Variants in SRGAP3 observed in about 807,000 individuals in gnomAD.
SRGAP3 encodes SLIT-ROBO Rho GTPase activating protein 3, also known as SLIT-ROBO Rho GTPase-activating protein 3.
Under a neutral mutation model 121.1 loss-of-function variants are expected in SRGAP3, and 39 were observed. That is an observed-to-expected ratio of 0.32 (90% confidence interval 0.25 to 0.42). The LOEUF is 0.42. Among genes scored for constraint, SRGAP3 ranks in the 10% least tolerant of loss-of-function variants. The probability of loss-of-function intolerance (pLI) is 1.00; values close to 1 mark genes in which losing one functional copy is unlikely to be tolerated. For missense variants in SRGAP3, 1,213 were observed against 1,470.6 expected, an observed-to-expected ratio of 0.82 and a Z score of 2.86; for synonymous variants, 601 against 570.0, an observed-to-expected ratio of 1.05 and a Z score of -0.77.
intron 3 of SRGAP3, among the ~76,000 whole-genome samples, chr3:9,306,358 T>C (rs1221852691): frequency 6.6e-6 from 1 of 152,228 alleles, no homozygotes; most frequent in Admixed American, 6.5e-5. Context: ...TCCCATTCTG[T>C]AGGTTGCCTG....
At chr3:9,308,392 T>C (rs1163902035) in intron 3 of SRGAP3, among the ~76,000 whole-genome samples, 3 of 152,052 alleles carry the variant, frequency 2.0e-5, no homozygotes, top group Non-Finnish European at 4.4e-5. Flanking sequence ...AAAAACAAAA[T>C]AATCAGAAGG....
At chr3:9,017,665 T>G (rs1219754578) in intron 14 of SRGAP3, among the ~76,000 whole-genome samples, 2 of 152,148 alleles carry the variant, frequency 1.3e-5, no homozygotes, top group Admixed American at 1.3e-4. Flanking sequence ...TGAAGTAACG[T>G]TATGATGATG....
At chr3:9,162,091 T>C (rs923221973) in intron 1 of SRGAP3, among the ~76,000 whole-genome samples, 4 of 152,096 alleles carry the variant, frequency 2.6e-5, no homozygotes. Context: ...TGACTCTACT[T>C]ACATGAGAGA....
intron 3 of SRGAP3, among the ~76,000 whole-genome samples, chr3:9,082,202 T>C (rs576531681): frequency 1.3e-5 from 2 of 152,290 alleles, no homozygotes; most frequent in African/African-American, 2.4e-5. Context: ...TCTACCATGA[T>C]TGGAAGCTTC....
intron 19 of SRGAP3, among the ~76,000 whole-genome samples, chr3:8,993,372 G>T (rs1039980316): frequency 6.6e-6 from 1 of 152,194 alleles, no homozygotes; most frequent in East Asian, 1.9e-4. Flanking sequence ...TGGAGAAATG[G>T]GGGGATGGAG....
chr3:9,204,580 A>G (rs1952195127), intron 1 of SRGAP3, among the ~76,000 whole-genome samples: 1 of 152,158 alleles, frequency 6.6e-6, no homozygotes, highest in South Asian at 2.1e-4. Flanking sequence ...CAAAACAGAA[A>G]TTCTTTTCTC....
chr3:9,313,941 C>G (rs778970880), intron 3 of SRGAP3, among the ~76,000 whole-genome samples: 8 of 152,160 alleles, frequency 5.3e-5, no homozygotes, highest in Non-Finnish European at 1.0e-4. Flanking sequence ...TGCAGTGAGC[C>G]GAGATCGTGC....
intron 3 of SRGAP3, among the ~76,000 whole-genome samples, chr3:9,302,011 G>C (rs577734210): frequency 6.6e-6 from 1 of 152,198 alleles, no homozygotes; most frequent in Non-Finnish European, 1.5e-5. Flanking sequence ...ATCCAGGTAG[G>C]GTGCTGGTGA....
At chr3:9,091,053 T>C (rs1947733891) in intron 3 of SRGAP3, among the ~76,000 whole-genome samples, 1 of 152,042 alleles carries the variant, frequency 6.6e-6, no homozygotes. Context: ...CATCTTAAAA[T>C]GTTGAGTTTT....
chr3:9,209,908 C>T (rs903820334), intron 1 of SRGAP3, among the ~76,000 whole-genome samples: 3 of 152,108 alleles, frequency 2.0e-5, no homozygotes, highest in African/African-American at 7.2e-5. Context: ...TACCAACTGA[C>T]AAATGTGCGA....
chr3:9,109,400 G>C lies in SRGAP3; in HGVS notation c.261-4558C>G, dbSNP rs1000146948. Among the ~76,000 whole-genome samples, 1 of 152,198 alleles carries C rather than the reference G, an allele frequency of 6.6e-6. No individual in the cohort carries two copies. Among genetic ancestry groups the C allele is most frequent in the Non-Finnish European group, 1.5e-5 (1 of 68,034 alleles). The stretch of plus-strand genomic sequence containing the variant: ...GAAGCTGCAAGCCAGGAGGCAGTGC[G>C]GTATAAGACAGAATTGCAGGAGGCA... On this transcript the variant is annotated intron_variant, in intron 2 of 21. Coordinates refer to ENST00000383836, the MANE Select transcript of SRGAP3 (RefSeq NM_014850.4). This position sits in a 1 kb window ranked among gnomAD's most constrained non-coding sequence, Gnocchi z 4.4.
chr3:9,026,887 C>A (rs376734094), intron 13 of SRGAP3, 48 bp downstream of exon 13: 6 of 1,573,926 alleles, frequency 3.8e-6, no homozygotes. Context: ...AACAGCCTAG[C>A]ACCTGTTCTG....
chr3:9,189,109 A>T (rs577145294), intron 1 of SRGAP3, among the ~76,000 whole-genome samples: 2 of 152,318 alleles, frequency 1.3e-5, no homozygotes, highest in East Asian at 3.9e-4. Context: ...ATATCATCAC[A>T]GTCAAGAAGG....
chr3:9,147,212 G>A (rs1228236370), intron 1 of SRGAP3, among the ~76,000 whole-genome samples: 1 of 152,140 alleles, frequency 6.6e-6, no homozygotes, highest in African/African-American at 2.4e-5. Flanking sequence ...CAAAACAAGA[G>A]GAATGCTTTC....
intron 1 of SRGAP3, among the ~76,000 whole-genome samples, chr3:9,335,175 C>T (rs1955671189): frequency 6.6e-6 from 1 of 152,048 alleles, no homozygotes; most frequent in South Asian, 2.1e-4. Flanking sequence ...TCATATGGTC[C>T]CATTGATTTG....
At chr3:9,294,079 C>T (rs536893618) in intron 3 of SRGAP3, among the ~76,000 whole-genome samples, 7 of 152,058 alleles carry the variant, frequency 4.6e-5, no homozygotes, top group South Asian at 2.1e-4. Context: ...ATGGAATCAA[C>T]GTAAATGCCC....
At chr3:9,224,902 G>C (rs971982572) in intron 1 of SRGAP3, among the ~76,000 whole-genome samples, 2 of 152,168 alleles carry the variant, frequency 1.3e-5, no homozygotes, top group African/African-American at 4.8e-5. Flanking sequence ...GAACCAAAAA[G>C]CAGAGAGACA....
At chr3:9,162,424 G>A (rs2125079079) in intron 1 of SRGAP3, among the ~76,000 whole-genome samples, 1 of 152,210 alleles carries the variant, frequency 6.6e-6, no homozygotes, top group East Asian at 1.9e-4. Context: ...TAACTGCAAA[G>A]AATCCTCCTC....
At chr3:8,990,956 T>A in intron 20 of SRGAP3, 117 bp from the exon 21 acceptor site, 1 of 894,906 alleles carries the variant, frequency 1.1e-6, no homozygotes, top group Non-Finnish European at 1.6e-6. Flanking sequence ...GCGGGTACAG[T>A]AAAGCCTCAT....
Sources: allele counts gnomAD v4.1 joint callset (sites outside exome capture counted in the v4.1 genomes callset), GRCh38; gene constraint gnomAD v4.1.1; non-coding constraint Gnocchi (gnomAD v3.1); transcripts MANE v1.5; gene names NCBI Gene and HGNC (gene_info 2026-07-23, HGNC 2026-07-21).